PDE4DIP: variants seen among roughly 807,000 people sequenced by gnomAD.
PDE4DIP encodes phosphodiesterase 4D interacting protein.
In PDE4DIP, 59 loss-of-function variants were observed where a neutral mutation model predicts 221.4. The ratio of observed to expected loss-of-function variants is 0.27; its 90% CI spans 0.22 to 0.33. The LOEUF is 0.33. PDE4DIP is among the 10% of genes least tolerant of loss of function. The pLI is 1.00. For synonymous variants in PDE4DIP, 404 were observed against 815.9 expected (o/e 0.50, Z 8.60); for missense variants, 1,036 against 2,154.2 (o/e 0.48, Z 10.28).
At position 148,883,726 on chromosome 1, in the gene PDE4DIP, A is replaced by G. The variant is rs1778736; in HGVS notation, c.442-6058A>G. 7.5e-3 allele frequency among the ~76,000 whole-genome samples: 243 copies of G among 32,392 alleles called. 1 individual carries two copies. The highest frequency in any genetic ancestry group is 0.034 in the African/African-American group (220 of 6,524). The allele number at this position is 32,392 out of a possible 152,430, so 21.3% of individuals were successfully genotyped here. On this transcript the variant is annotated intron_variant, in intron 3 of 45. Coordinates refer to the PDE4DIP transcript ENST00000524974. ...GTTATTCCAGGGGTGGAATGAAGAA[A>G]TTAAGGAAAAAGAAGGGGAGAGCCA...
chr1:149,001,907 G>A, exon 24 of PDE4DIP: 7 of 1,613,758 alleles, frequency 4.3e-6, no homozygotes, highest in Non-Finnish European at 5.9e-6. Flanking sequence ...AATAAACACA[G>A]AACTGGTTGG....
intron 3 of PDE4DIP, among the ~76,000 whole-genome samples, chr1:148,875,925 CAAAT>C (rs1338078284): frequency 6.6e-6 from 1 of 152,272 alleles, no homozygotes; most frequent in Non-Finnish European, 1.5e-5. Context: ...GACTCTGTCT[CAAAT>C]AAATAAATAA....
chr1:148,979,036 A>G (rs1488768785), intron 19 of PDE4DIP, among the ~76,000 whole-genome samples: 1 of 120,768 alleles, frequency 8.3e-6, no homozygotes, highest in African/African-American at 2.9e-5. Context: ...TCTCCCAGTT[A>G]AAAAAAAAAA....
intron 17 of PDE4DIP, among the ~76,000 whole-genome samples, chr1:148,976,383 G>A (rs1247954885): frequency 2.0e-5 from 3 of 152,204 alleles, no homozygotes; most frequent in African/African-American, 7.2e-5. Flanking sequence ...TTACTAGCCA[G>A]CCCTGTGATT....
At chr1:148,973,079 A>T (rs2059503573) in intron 16 of PDE4DIP, among the ~76,000 whole-genome samples, 1 of 136,976 alleles carries the variant, frequency 7.3e-6, no homozygotes, top group East Asian at 2.1e-4. Context: ...TATCCTAAAG[A>T]GCTCCCTGGT....
chr1:148,944,223 C>T (rs1170785594), intron 5 of PDE4DIP, among the ~76,000 whole-genome samples: 10 of 152,228 alleles, frequency 6.6e-5, no homozygotes, highest in African/African-American at 2.2e-4. Context: ...CTCAGAAAGG[C>T]AGCTTGGAGG....
chr1:148,932,456 A>AAT, intron 4 of PDE4DIP, 168 bp downstream of exon 7: 1 of 1,512,004 alleles, frequency 6.6e-7, no homozygotes, highest in Non-Finnish European at 9.1e-7. Context: ...TTTCAGTGGT[A>AAT]TCCATTATGA....
At chr1:149,030,826 A>T (rs2152826524) in intron 43 of PDE4DIP, 2 of 975,102 alleles carry the variant, frequency 2.1e-6, no homozygotes, top group Non-Finnish European at 2.4e-6. Flanking sequence ...GTTAATAAAT[A>T]ACAACTGAAC....
intron 1 of PDE4DIP, among the ~76,000 whole-genome samples, chr1:148,820,616 C>A (rs1376245528): frequency 7.2e-6 from 1 of 138,994 alleles, no homozygotes; most frequent in African/African-American, 2.7e-5. Flanking sequence ...GACAAAATGT[C>A]AAGTCAGAGA....
chr1:148,933,200 T>A (rs587647759), intron 4 of PDE4DIP, among the ~76,000 whole-genome samples: 14 of 151,954 alleles, frequency 9.2e-5, no homozygotes, highest in Admixed American at 8.5e-4. Context: ...GGAGGTAGAA[T>A]AAATAGGTAG....
At chr1:149,032,427 T>C in exon 44 of PDE4DIP, 1 of 438,882 alleles carries the variant, frequency 2.3e-6, no homozygotes, top group Non-Finnish European at 4.2e-6. Flanking sequence ...CTCTGGCAGG[T>C]TCTAAAAGCA....
At chr1:149,032,095 A>G (rs782231612) in exon 44 of PDE4DIP, 4 of 1,600,008 alleles carry the variant, frequency 2.5e-6, no homozygotes, top group African/African-American at 1.3e-5. Flanking sequence ...GCTGAGGAGC[A>G]TCTGGGCCTC....
chr1:149,021,021 C>T lies in PDE4DIP; in HGVS notation c.5961-8C>T, dbSNP rs782071555. 2.6e-6 allele frequency: 3 copies of T among 1,158,124 alleles called. No homozygotes were observed. The highest frequency in any genetic ancestry group is 2.4e-6 in the Non-Finnish European group (2 of 819,506). The allele number at this position is 1,158,124 out of a possible 1,614,324, so 71.7% of individuals were successfully genotyped here. A position where few individuals can be genotyped will look rare whatever the true frequency, so the allele number is the denominator to read the frequency against. Reference sequence around the variant, plus strand: ...CCATCTCAGTGGGCCTTGCCTCTCCCTGGTCAGACTGCAGCACAAGCTGGT... The same window carrying T: ...CCATCTCAGTGGGCCTTGCCTCTCCTTGGTCAGACTGCAGCACAAGCTGGT... On this transcript the variant is annotated splice_region_variant and splice_polypyrimidine_tract_variant and intron_variant, in intron 36 of 43. Coordinates refer to ENST00000369354, the Ensembl canonical transcript of PDE4DIP.
chr1:148,913,534 A>C, intron 1 of PDE4DIP, among the ~76,000 whole-genome samples: 1 of 141,684 alleles, frequency 7.1e-6, no homozygotes, highest in Admixed American at 7.1e-5. Flanking sequence ...GGAGGGGTCT[A>C]ACAAATGCCA....
chr1:148,892,183 C>T lies in PDE4DIP; in HGVS notation c.141+2289C>T, dbSNP rs1323706689. Among the ~76,000 whole-genome samples the T allele has an allele frequency of 3.3e-5, 4 of 120,076 alleles. 1 individual carries two copies. The highest frequency in any genetic ancestry group is 7.2e-5 in the African/African-American group (2 of 27,944). The allele number at this position is 120,076 out of a possible 152,430, so 78.8% of individuals were successfully genotyped here. ...CTAATTTTCGTATTTTTAATAGAGG[C>T]GGGGTTTTACCATGTTGGCCAGGCT... On this transcript the variant is annotated intron_variant, in intron 1 of 43. Transcript: ENST00000369354.
chr1:148,958,070 G>C (rs587593909), intron 5 of PDE4DIP, among the ~76,000 whole-genome samples: 1 of 145,430 alleles, frequency 6.9e-6, no homozygotes, highest in Non-Finnish European at 1.5e-5. Flanking sequence ...TTTGCCCATG[G>C]TGTGACATAG....
chr1:149,000,288 C>A (rs1553573346), intron 23 of PDE4DIP, among the ~76,000 whole-genome samples: 1 of 152,210 alleles, frequency 6.6e-6, no homozygotes, highest in Non-Finnish European at 1.5e-5. Context: ...GGCATGGTGG[C>A]TCATGCCTGT....
exon 27 of PDE4DIP, chr1:149,005,282 G>T (rs375747400): frequency 6.2e-7 from 1 of 1,601,308 alleles, no homozygotes; most frequent in Non-Finnish European, 8.6e-7. Context: ...AGGGGTGGCT[G>T]TCTGATGGCA....
intron 33 of PDE4DIP, 143 bp from the exon 37 acceptor site, chr1:149,017,605 G>A: frequency 3.4e-6 from 2 of 584,988 alleles, no homozygotes; most frequent in South Asian, 4.0e-5. Context: ...TCTTTTGGGT[G>A]TCCGTGTGAG....
Sources: allele counts gnomAD v4.1 joint callset (sites outside exome capture counted in the v4.1 genomes callset), GRCh38; gene constraint gnomAD v4.1.1; transcripts MANE v1.5; gene names NCBI Gene and HGNC (gene_info 2026-07-23, HGNC 2026-07-21).